The following YWHAG variants were observed in gnomAD, a reference collection of about 807,000 sequenced individuals.
YWHAG encodes 14-3-3 protein gamma.
Under a neutral mutation model 23.3 loss-of-function variants are expected in YWHAG, and 1 was observed. The observed-to-expected ratio is 0.04, with a 90% CI of 0.02 to 0.20. The LOEUF (loss-of-function observed/expected upper bound fraction) is 0.20, where lower values mean the gene tolerates loss of function less well. YWHAG is among the 10% of genes least tolerant of loss of function. The pLI, the probability that YWHAG is intolerant of heterozygous loss-of-function variation, is 1.00. For synonymous variants in YWHAG, 160 were observed against 144.0 expected (o/e 1.11, Z -0.80); for missense variants, 151 against 338.6 (o/e 0.45, Z 4.35).
At chr7:76,348,396 T>C (rs1355993919) in intron 1 of YWHAG, among the ~76,000 whole-genome samples, 1 of 149,584 alleles carries the variant, frequency 6.7e-6, no homozygotes, top group Admixed American at 6.7e-5. Context: ...GCTGGGACTA[T>C]AGGCGCACGC....
At chr7:76,354,800 C>T (rs565161944) in intron 1 of YWHAG, among the ~76,000 whole-genome samples, 11 of 152,258 alleles carry the variant, frequency 7.2e-5, no homozygotes, top group African/African-American at 2.6e-4. Flanking sequence ...CACTAGAACA[C>T]CAGCAAAATT....
intron 1 of YWHAG, among the ~76,000 whole-genome samples, chr7:76,349,418 TACAC>T (rs35880008): frequency 0.082 from 12,030 of 147,054 alleles, 835 homozygotes; most frequent in African/African-American, 0.17. Flanking sequence ...CATTTATTAA[TACAC>T]ACACACACAC....
chr7:76,343,040 G>A (rs1457492017), intron 1 of YWHAG, among the ~76,000 whole-genome samples: 1 of 152,092 alleles, frequency 6.6e-6, no homozygotes, highest in Non-Finnish European at 1.5e-5. Context: ...GAGAGGGTGA[G>A]GTAGGAGAAT....
chr7:76,329,489 T>TGCCC lies in YWHAG; in HGVS notation c.*87_*88insGGGC. The TGCCC allele has an allele frequency of 4.1e-5, 42 of 1,024,208 alleles. No homozygotes were observed. The highest frequency in any genetic ancestry group is 8.3e-5 in the African/African-American group (5 of 60,104). The allele number at this position is 1,024,208 out of a possible 1,614,324, so 63.4% of individuals were successfully genotyped here. ...TCCCTGGGAAGGTCATCCCTCCCTT[T>TGCCC]CCCTCCCCCACCCGACCCCCAACTC... On this transcript the variant is annotated 3_prime_UTR_variant, in exon 2 of 2. Transcript: ENST00000307630. The surrounding 1 kb of genome is among the most constrained non-coding windows in gnomAD (Gnocchi z 6.1).
At chr7:76,337,194 T>C (rs1256978707) in intron 1 of YWHAG, among the ~76,000 whole-genome samples, 1 of 152,224 alleles carries the variant, frequency 6.6e-6, no homozygotes, top group African/African-American at 2.4e-5. Context: ...GGCTGGTCTC[T>C]GGCTGGCATC....
intron 1 of YWHAG, among the ~76,000 whole-genome samples, chr7:76,345,896 G>A (rs1256222167): frequency 6.6e-6 from 1 of 152,072 alleles, no homozygotes; most frequent in African/African-American, 2.4e-5. Flanking sequence ...AGCCGAGATT[G>A]CACCAGTGCA....
At chr7:76,341,534 G>T (rs1803694110) in intron 1 of YWHAG, among the ~76,000 whole-genome samples, 1 of 151,832 alleles carries the variant, frequency 6.6e-6, no homozygotes, top group Non-Finnish European at 1.5e-5. Context: ...AACGTAGTGT[G>T]ATCTATGTAA....
Position 76,329,489 on chromosome 7 carries a change from T to TGCCGC in YWHAG, c.*87_*88insGCGGC. Reference sequence around the variant, plus strand: ...TCCCTGGGAAGGTCATCCCTCCCTTTCCCTCCCCCACCCGACCCCCAACTC... The same window carrying TGCCGC: ...TCCCTGGGAAGGTCATCCCTCCCTTTGCCGCCCCTCCCCCACCCGACCCCCAACTC... On this transcript the variant is annotated 3_prime_UTR_variant, in exon 2 of 2. Transcript: ENST00000307630. This position sits in a 1 kb window ranked among gnomAD's most constrained non-coding sequence, Gnocchi z 6.1. 1 of 1,024,226 alleles carries TGCCGC rather than the reference T, an allele frequency of 9.8e-7. No homozygotes were observed. The highest frequency in any genetic ancestry group is 1.4e-6 in the Non-Finnish European group (1 of 740,080). The allele number at this position is 1,024,226 out of a possible 1,614,324, so 63.4% of individuals were successfully genotyped here.
At chr7:76,353,422 A>T (rs1803902736) in intron 1 of YWHAG, among the ~76,000 whole-genome samples, 1 of 152,062 alleles carries the variant, frequency 6.6e-6, no homozygotes, top group Non-Finnish European at 1.5e-5. Flanking sequence ...CATGTTGGTC[A>T]GGCTGGTCTC....
chr7:76,348,747 C>A (rs1803825271), intron 1 of YWHAG, among the ~76,000 whole-genome samples: 1 of 151,576 alleles, frequency 6.6e-6, no homozygotes, highest in African/African-American at 2.4e-5. Context: ...ACCATGTTGG[C>A]CAGGCTGGTC....
At chr7:76,330,443 C>G (rs1412212218) in intron 1 of YWHAG, among the ~76,000 whole-genome samples, 2 of 152,168 alleles carry the variant, frequency 1.3e-5, no homozygotes, top group Non-Finnish European at 2.9e-5. Context: ...GTGTCTGAAC[C>G]CTGGCTTCCT....
In YWHAG at chr7:76,358,841, G is replaced by C. The variant is rs1374730208; in HGVS notation, c.-33C>G. On this transcript the variant is annotated 5_prime_UTR_variant, in exon 1 of 2. Transcript: ENST00000307630. ...GGGCTGGGTCTGGCCGGAGAAGGAG[G>C]AGGACACTGGGGCGGCCTGAAGGGC... 15 of 1,575,214 alleles carry C rather than the reference G, an allele frequency of 9.5e-6. No homozygotes were observed. The highest frequency in any genetic ancestry group is 1.3e-5 in the Non-Finnish European group (15 of 1,161,288).
Position 76,328,201 on chromosome 7 carries a change from C to T in YWHAG, c.*1376G>A, listed in dbSNP as rs1024541799. On this transcript the variant is annotated 3_prime_UTR_variant, in exon 2 of 2. Coordinates refer to ENST00000307630, the MANE Select transcript of YWHAG (RefSeq NM_012479.4). ...GAAAACAAATGGGTGGAAATAGCAA[C>T]GTTGTTTCCGTCAATTCCAAATGTG... 1 of 152,092 alleles carries T rather than the reference C, an allele frequency of 6.6e-6. No homozygotes were observed. The highest frequency in any genetic ancestry group is 2.4e-5 in the African/African-American group (1 of 41,404). The allele number at this position is 152,092 out of a possible 1,614,324, so 9.4% of individuals were successfully genotyped here. A position where few individuals can be genotyped will look rare whatever the true frequency, so the allele number is the denominator to read the frequency against.
At chr7:76,357,066 A>T (rs1298782165) in intron 1 of YWHAG, among the ~76,000 whole-genome samples, 1 of 152,250 alleles carries the variant, frequency 6.6e-6, no homozygotes, top group Non-Finnish European at 1.5e-5. Context: ...AAAAATTATA[A>T]GAGTCTAAAT....
chr7:76,351,291 T>C (rs1198301770), intron 1 of YWHAG, among the ~76,000 whole-genome samples: 1 of 152,202 alleles, frequency 6.6e-6, no homozygotes, highest in Non-Finnish European at 1.5e-5. Flanking sequence ...ATTCCTTCCC[T>C]ACTCCCTTGT....
At chr7:76,350,423 G>A (rs888192620) in intron 1 of YWHAG, among the ~76,000 whole-genome samples, 12 of 152,138 alleles carry the variant, frequency 7.9e-5, no homozygotes, top group African/African-American at 2.2e-4. Context: ...CTGTCTTAAC[G>A]TACGAATTGT....
chr7:76,342,194 AG>A (rs1803706643), intron 1 of YWHAG, among the ~76,000 whole-genome samples: 1 of 152,222 alleles, frequency 6.6e-6, no homozygotes, highest in African/African-American at 2.4e-5. Context: ...ATTTATGCAC[AG>A]CTATCATAAA....
intron 1 of YWHAG, among the ~76,000 whole-genome samples, chr7:76,349,658 A>C (rs1456090667): frequency 1.3e-5 from 2 of 152,212 alleles, no homozygotes; most frequent in African/African-American, 2.4e-5. Context: ...CTTTGTTTGA[A>C]GTTGTGCCAT....
intron 1 of YWHAG, among the ~76,000 whole-genome samples, chr7:76,334,384 A>T (rs1411130163): frequency 6.6e-6 from 1 of 152,196 alleles, no homozygotes; most frequent in Non-Finnish European, 1.5e-5. Flanking sequence ...ATCTTGTATC[A>T]TTTGGGAAGG....
Sources: gnomAD v4.1 joint callset for allele counts (sites outside exome capture counted in the v4.1 genomes callset) on GRCh38, gnomAD v4.1.1 for gene constraint, Gnocchi (gnomAD v3.1) non-coding constraint, MANE v1.5 for transcripts, NCBI Gene and HGNC (gene_info 2026-07-23, HGNC 2026-07-21) for gene names.